The following THBS4 variants were observed in gnomAD, a reference collection of about 807,000 sequenced individuals.
The protein encoded by THBS4 is thrombospondin 4.
Under a neutral mutation model 115.7 loss-of-function variants are expected in THBS4, and 90 were observed. The ratio of observed to expected loss-of-function variants is 0.78; its 90% CI spans 0.66 to 0.93. THBS4 has a LOEUF of 0.93. Among genes scored for constraint, THBS4 ranks in the 40% least tolerant of loss-of-function variants. THBS4 has a pLI of 0.00. For synonymous variants in THBS4, 460 were observed against 479.3 expected, an observed-to-expected ratio of 0.96 and a Z score of 0.53; for missense variants, 1,087 against 1,232.7, an observed-to-expected ratio of 0.88 and a Z score of 1.77.
intron 2 of THBS4, among the ~76,000 whole-genome samples, chr5:80,027,659 G>A (rs957722964): frequency 2.0e-5 from 3 of 151,988 alleles, no homozygotes; most frequent in Non-Finnish European, 4.4e-5. Context: ...AGTTTGGGAG[G>A]CGGAGGCAGG....
At chr5:79,992,923 A>T (rs945179330) in intron 1 of THBS4, among the ~76,000 whole-genome samples, 16 of 152,254 alleles carry the variant, frequency 1.1e-4, no homozygotes, top group Non-Finnish European at 1.5e-5. Context: ...TGAGGGTTAG[A>T]AATGTCAAAC....
At chr5:79,994,517 A>G (rs541120138) in intron 1 of THBS4, among the ~76,000 whole-genome samples, 7 of 152,308 alleles carry the variant, frequency 4.6e-5, no homozygotes, top group Non-Finnish European at 8.8e-5. Context: ...TGCCTAGCAC[A>G]CTGCAAGCCT....
chr5:80,077,067 G>C lies in THBS4; in HGVS notation c.2086+19G>C. The C allele has an allele frequency of 6.4e-7, 1 of 1,566,710 alleles. No homozygotes were observed. The highest frequency in any genetic ancestry group is 8.7e-7 in the Non-Finnish European group (1 of 1,155,942). ...AGCAACAGTAAGCAGGCTCAGCCCA[G>C]AGCTGCACAGCACCCCTGGGCTCCC... On this transcript the variant is annotated intron_variant, in intron 16 of 21. Coordinates refer to ENST00000350881, the MANE Select transcript of THBS4 (RefSeq NM_003248.6).
chr5:80,009,864 G>A (rs912300435), intron 2 of THBS4, among the ~76,000 whole-genome samples: 6 of 152,108 alleles, frequency 3.9e-5, no homozygotes, highest in Non-Finnish European at 7.4e-5. Flanking sequence ...CAGACTTGGT[G>A]GCTCAAGCCT....
chr5:80,079,845 G>A, intron 19 of THBS4, 60 bp from the exon 20 acceptor site: 1 of 1,549,548 alleles, frequency 6.5e-7, no homozygotes, highest in African/African-American at 1.4e-5. Flanking sequence ...TTCAGATCCA[G>A]GAAGCAGGAA....
upstream of THBS4, among the ~76,000 whole-genome samples, chr5:80,032,713 C>A (rs1832608901): frequency 6.6e-6 from 1 of 152,204 alleles, no homozygotes; most frequent in Admixed American, 6.5e-5. Flanking sequence ...CCAGAAGACG[C>A]AGCAAGTCTG....
At chr5:80,041,552 G>A (rs1832903893) in intron 2 of THBS4, among the ~76,000 whole-genome samples, 1 of 152,176 alleles carries the variant, frequency 6.6e-6, no homozygotes, top group African/African-American at 2.4e-5. Flanking sequence ...AGTAGAACAG[G>A]ATGAATAGGG....
intron 1 of THBS4, among the ~76,000 whole-genome samples, chr5:79,993,909 G>A (rs1238292911): frequency 2.6e-5 from 4 of 152,152 alleles, no homozygotes; most frequent in African/African-American, 9.7e-5. Flanking sequence ...TGTAATTTGT[G>A]TTCAGATATA....
chr5:80,003,323 A>C (rs1039836572), intron 2 of THBS4, among the ~76,000 whole-genome samples: 3 of 152,212 alleles, frequency 2.0e-5, no homozygotes, highest in African/African-American at 7.2e-5. Flanking sequence ...GAGAGGGCGC[A>C]AGAAAGAGAT....
intron 1 of THBS4, among the ~76,000 whole-genome samples, chr5:79,996,136 C>T (rs1401656057): frequency 6.6e-6 from 1 of 151,524 alleles, no homozygotes; most frequent in African/African-American, 2.4e-5. Context: ...CTCTGTCACA[C>T]ATACACACAA....
chr5:80,059,872 A>G lies in THBS4; in HGVS notation c.954A>G (p.Thr318=), dbSNP rs1833573164. The G allele has an allele frequency of 6.2e-7, 1 of 1,614,072 alleles. No homozygotes were observed. Among genetic ancestry groups the G allele is most frequent in the South Asian group, 1.1e-5 (1 of 91,092 alleles). ...GTGGGCCCTGCCCCGAGGGCTACAC[A>G]GGAAACGGGATCACCTGTATTGATG... ...FQCGPCPEGY[T]GNGITCIDVD... The change falls in exon 7 of 22, where the codon ACA becomes ACG. Residue 318 remains threonine, a synonymous_variant. Coordinates refer to ENST00000350881, the MANE Select transcript of THBS4 (RefSeq NM_003248.6).
At position 80,070,708 on chromosome 5, in the gene THBS4, T is replaced by C. The variant is rs1158957061; in HGVS notation, c.1518T>C (p.Ala506=). ...EDADRDGIGD[A]CDEDADGDGI... ...CAGACAGAGATGGCATTGGCGACGCTTGTGACGAGGATGCTGACGGAGATG... is the reference window on the plus strand; with the variant it reads ...CAGACAGAGATGGCATTGGCGACGCCTGTGACGAGGATGCTGACGGAGATG... Residue 506 remains alanine, a synonymous_variant, in exon 12 of 22, where the codon GCT becomes GCC. Coordinates refer to ENST00000350881, the MANE Select transcript of THBS4 (RefSeq NM_003248.6). 1 of 1,614,154 alleles carries C rather than the reference T, an allele frequency of 6.2e-7. No individual in the cohort carries two copies. The highest frequency in any genetic ancestry group is 1.7e-5 in the Admixed American group (1 of 60,022).
At chr5:80,078,356 A>G (rs1743321226) in intron 17 of THBS4, 129 bp downstream of exon 17, 1 of 741,556 alleles carries the variant, frequency 1.3e-6, no homozygotes, top group Non-Finnish European at 2.0e-6. Flanking sequence ...TTATTCCTCA[A>G]CAGCCCTATG....
Position 80,040,167 on chromosome 5 carries a change from T to G in THBS4, c.179T>G (p.Val60Gly), listed in dbSNP as rs761263904. 57 of 1,614,082 alleles carry G rather than the reference T, an allele frequency of 3.5e-5. No individual in the cohort carries two copies. The highest frequency in any genetic ancestry group is 2.7e-5 in the Non-Finnish European group (32 of 1,180,050). ...LTDPALNDLY[V>G]ISTFKLQTKS... ...GACCCCGCCCTGAATGATCTCTATG[T>G]GATTTCCACCTTCAAGCTGCAGACT... Residue 60 changes from valine (V) to glycine (G), a missense_variant, in exon 2 of 22, where the codon GTG becomes GGG. Transcript: ENST00000350881.
Position 80,040,980 on chromosome 5 carries a change from C to G in THBS4, c.292+700C>G, listed in dbSNP as rs535389915. Among the ~76,000 whole-genome samples the G allele has an allele frequency of 2.7e-4, 41 of 152,322 alleles. No homozygotes were observed. In the South Asian group the frequency reaches 8.3e-3, roughly 31 times the overall value. The stretch of plus-strand genomic sequence containing the variant: ...TCCCTTGAGAACTAATCCATTTTCA[C>G]AAGAGCTGAAACTCACTGTCTCGAG... On this transcript the variant is annotated intron_variant, in intron 2 of 21. Transcript: ENST00000350881.
In THBS4 at chr5:80,078,189, G is replaced by T. The variant is rs1250217435; in HGVS notation, c.2227G>T (p.Asp743Tyr). The T allele has an allele frequency of 2.2e-5, 35 of 1,606,550 alleles. No homozygotes were observed. Among genetic ancestry groups the T allele is most frequent in the Non-Finnish European group, 3.0e-5 (35 of 1,174,910 alleles). Residue 743 changes from aspartate to tyrosine, a missense_variant, in exon 17 of 22, where the codon GAT becomes TAT. Asp to Tyr is a radical substitution (Grantham distance 160). Coordinates refer to ENST00000350881, the MANE Select transcript of THBS4 (RefSeq NM_003248.6). ...YQTVVLDPEG[D>Y]AQIDPNWVVL... Reference sequence around the variant, plus strand: ...GACCGTGGTCCTGGATCCTGAAGGGGATGCCCAGATCGATCCCAACTGGGT... The same window carrying T: ...GACCGTGGTCCTGGATCCTGAAGGGTATGCCCAGATCGATCCCAACTGGGT...
intron 2 of THBS4, among the ~76,000 whole-genome samples, chr5:79,998,710 A>G (rs1465445808): frequency 2.6e-5 from 4 of 152,216 alleles, no homozygotes; most frequent in African/African-American, 9.6e-5. Flanking sequence ...TCTATACTTA[A>G]TTGAAATTAG....
intron 8 of THBS4, among the ~76,000 whole-genome samples, chr5:80,062,486 G>A (rs767824170): frequency 6.6e-6 from 1 of 152,088 alleles, no homozygotes; most frequent in Non-Finnish European, 1.5e-5. Context: ...GAAGGGCAGG[G>A]GTTTATTATT....
At chr5:80,083,024 CG>C in intron 21 of THBS4, 55 bp from the exon 22 acceptor site, 2 of 1,527,446 alleles carry the variant, frequency 1.3e-6, no homozygotes, top group Middle Eastern at 1.7e-4. Flanking sequence ...GGCGGGGGTC[CG>C]GGGTCCGGGG....
Sources: allele counts gnomAD v4.1 joint callset (sites outside exome capture counted in the v4.1 genomes callset), GRCh38; gene constraint gnomAD v4.1.1; transcripts MANE v1.5; gene names NCBI Gene and HGNC (gene_info 2026-07-23, HGNC 2026-07-21).